The following CENPQ variants were observed in gnomAD, a reference collection of about 807,000 sequenced individuals.
The protein encoded by CENPQ is centromere protein Q, also known as chromosome 6 open reading frame 139.
CENPQ carries 27 observed loss-of-function variants against 36.6 expected under a neutral mutation model. The observed-to-expected ratio is 0.74, with a 90% confidence interval of 0.54 to 1.02. CENPQ has a LOEUF of 1.02. CENPQ is among the 50% of genes least tolerant of loss of function. The pLI is 0.00. For synonymous variants in CENPQ, 101 were observed against 101.7 expected, an observed-to-expected ratio of 0.99 and a Z score of 0.04; for missense variants, 306 against 301.8, an observed-to-expected ratio of 1.01 and a Z score of -0.10.
chr6:49,473,290 T>C (rs1768189675), intron 5 of CENPQ, among the ~76,000 whole-genome samples: 1 of 152,228 alleles, frequency 6.6e-6, no homozygotes, highest in Non-Finnish European at 1.5e-5. Context: ...ATATTATTGC[T>C]CTTCATCTTA....
At position 49,477,147 on chromosome 6, in the gene CENPQ, A is replaced by G. The variant is rs185201291; in HGVS notation, c.348-3804A>G. On this transcript the variant is annotated intron_variant, in intron 5 of 8. Transcript: ENST00000335783. ...TGTGTTTACTGCGGCACTATTCACA[A>G]TAGCAAAGACTTGGAACCAACCCAA... 1.6e-3 allele frequency among the ~76,000 whole-genome samples: 250 copies of G among 152,278 alleles called. 4 individuals carry two copies. Among genetic ancestry groups the G allele is most frequent in the African/African-American group, 5.6e-3 (234 of 41,552 alleles).
intron 1 of CENPQ, among the ~76,000 whole-genome samples, chr6:49,468,868 G>T (rs1410120889): frequency 6.6e-6 from 1 of 151,254 alleles, no homozygotes; most frequent in African/African-American, 2.4e-5. Flanking sequence ...TATTGTACAT[G>T]TCAGCCCTTC....
chr6:49,482,081 T>C (rs1768446643), intron 6 of CENPQ, among the ~76,000 whole-genome samples: 1 of 152,130 alleles, frequency 6.6e-6, no homozygotes, highest in African/African-American at 2.4e-5. Context: ...AAGCCCTTCA[T>C]TGCCTGGGGC....
At chr6:49,467,298 G>A (rs141222230) in intron 1 of CENPQ, among the ~76,000 whole-genome samples, 40 of 152,246 alleles carry the variant, frequency 2.6e-4, no homozygotes, top group African/African-American at 8.9e-4. Context: ...CTCCCTTGTG[G>A]TATAATACCA....
At chr6:49,480,319 A>G (rs1325022307) in intron 5 of CENPQ, among the ~76,000 whole-genome samples, 1 of 152,218 alleles carries the variant, frequency 6.6e-6, no homozygotes, top group Non-Finnish European at 1.5e-5. Flanking sequence ...GATGATAGAA[A>G]TAGATGTTTC....
Position 49,481,224 on chromosome 6 carries a change from T to C in CENPQ, c.477+144T>C. ...TTTTCATTAAATTGTTTTTTTGTTG[T>C]TGTTTTCATTAAAGCAAAAATTTGT... is the stretch of plus-strand genomic sequence containing the variant. On this transcript the variant is annotated intron_variant, in intron 6 of 8. Coordinates refer to ENST00000335783, the MANE Select transcript of CENPQ (RefSeq NM_018132.4). 6.9e-6 allele frequency: 5 copies of C among 723,534 alleles called. 1 individual carries two copies. In the South Asian group the frequency reaches 1.3e-4, roughly 19 times the overall value. 44.8% of individuals were successfully genotyped at this position (723,534 alleles called of 1,614,324 possible). A position where few individuals can be genotyped will look rare whatever the true frequency, so the allele number is the denominator to read the frequency against.
chr6:49,484,138 AT>A (rs1245888112), intron 6 of CENPQ, among the ~76,000 whole-genome samples: 14 of 152,344 alleles, frequency 9.2e-5, no homozygotes, highest in African/African-American at 2.6e-4. Context: ...ATTAGAGTTA[AT>A]ATATACTGGG....
In CENPQ at chr6:49,488,441, G is replaced by C. The variant is rs770383992; in HGVS notation, c.567G>C (p.Glu189Asp). 6.2e-7 allele frequency: 1 copy of C among 1,612,886 alleles called. No individual in the cohort carries two copies. The highest frequency in any genetic ancestry group is 8.5e-7 in the Non-Finnish European group (1 of 1,179,288). Reference protein sequence around the residue: ...LKNKIQILASEVEEEEERVKQ... With the variant: ...LKNKIQILASDVEEEEERVKQ... ...ACAAAATTCAGATTCTGGCAAGTGAGGTGGAAGAAGAAGAGGAGAGAGTAA... is the reference window on the plus strand; with the variant it reads ...ACAAAATTCAGATTCTGGCAAGTGACGTGGAAGAAGAAGAGGAGAGAGTAA... The change falls in exon 7 of 9, where the codon GAG becomes GAC. Residue 189 changes from glutamate (E) to aspartate (D), a missense_variant. By Grantham distance (45) the Glu-to-Asp change is conservative. Coordinates refer to ENST00000335783, the MANE Select transcript of CENPQ (RefSeq NM_018132.4).
chr6:49,473,588 G>T (rs556048405), intron 5 of CENPQ, among the ~76,000 whole-genome samples: 3 of 152,096 alleles, frequency 2.0e-5, no homozygotes, highest in Non-Finnish European at 4.4e-5. Flanking sequence ...AAAGACCATC[G>T]ATGCTAGGAA....
chr6:49,472,602 AATAT>A (rs1156961434), intron 4 of CENPQ, among the ~76,000 whole-genome samples, 184 bp from the exon 5 acceptor site: 3 of 151,998 alleles, frequency 2.0e-5, no homozygotes, highest in Admixed American at 6.6e-5. Context: ...AGTGTGGCAA[AATAT>A]ATATATAAGA....
At chr6:49,464,770 T>C (rs557666964) in intron 1 of CENPQ, among the ~76,000 whole-genome samples, 1 of 152,328 alleles carries the variant, frequency 6.6e-6, no homozygotes, top group East Asian at 1.9e-4. Flanking sequence ...ATCTTCAGGC[T>C]CCACTATTTC....
intron 5 of CENPQ, among the ~76,000 whole-genome samples, chr6:49,475,624 A>T (rs1561966516): frequency 6.6e-6 from 1 of 152,212 alleles, no homozygotes. Context: ...GGAAAAGAGG[A>T]AGTCAAATTG....
chr6:49,466,257 A>G (rs1767998319), intron 1 of CENPQ, among the ~76,000 whole-genome samples: 1 of 152,194 alleles, frequency 6.6e-6, no homozygotes, highest in Non-Finnish European at 1.5e-5. Context: ...ATCAATCACC[A>G]TAACAGATAT....
At chr6:49,487,165 A>T (rs1768604161) in intron 6 of CENPQ, among the ~76,000 whole-genome samples, 1 of 147,578 alleles carries the variant, frequency 6.8e-6, no homozygotes, top group African/African-American at 2.5e-5. Flanking sequence ...AAAAAAAAAA[A>T]AAAATAAAAA....
At chr6:49,469,098 A>T (rs1308887170) in intron 1 of CENPQ, among the ~76,000 whole-genome samples, 1 of 152,180 alleles carries the variant, frequency 6.6e-6, no homozygotes, top group African/African-American at 2.4e-5. Flanking sequence ...TGGTTGCTAA[A>T]TGTAGTTTGT....
chr6:49,472,275 A>C, intron 4 of CENPQ, 92 bp downstream of exon 4: 1 of 1,002,680 alleles, frequency 1.0e-6, no homozygotes, highest in Non-Finnish European at 1.4e-6. Flanking sequence ...ATCTATTTTA[A>C]GGTAATAGAG....
At chr6:49,483,653 G>A (rs1412836406) in intron 6 of CENPQ, among the ~76,000 whole-genome samples, 1 of 152,252 alleles carries the variant, frequency 6.6e-6, no homozygotes, top group African/African-American at 2.4e-5. Flanking sequence ...ACAGCCGCTG[G>A]CTTGGGTGCT....
chr6:49,488,455 A>T lies in CENPQ; in HGVS notation c.581A>T (p.Glu194Val). 1 of 1,612,932 alleles carries T rather than the reference A, an allele frequency of 6.2e-7. No homozygotes were observed. Among genetic ancestry groups the T allele is most frequent in the Non-Finnish European group, 8.5e-7 (1 of 1,179,240 alleles). The change falls in exon 7 of 9, where the codon GAG becomes GTG. Residue 194 changes from glutamate to valine, a missense_variant. Coordinates refer to ENST00000335783, the MANE Select transcript of CENPQ (RefSeq NM_018132.4). ...CTGGCAAGTGAGGTGGAAGAAGAAG[A>T]GGAGAGAGTAAAACAGGTAATTATT... ...QILASEVEEE[E>V]ERVKQMHQIN... is the part of the protein sequence containing the mutation.
rs1195192101 is a variant in CENPQ at position 49,470,236 on chromosome 6, G to A, written c.60G>A (p.Lys20=). The change falls in exon 2 of 9, where the codon AAG becomes AAA. Residue 20 remains lysine, a synonymous_variant. Coordinates refer to ENST00000335783, the MANE Select transcript of CENPQ (RefSeq NM_018132.4). The part of the protein sequence containing the change: ...KNAQQLKRNP[K]RKKDNEEVVL... ...CTCAACAGTTAAAAAGAAATCCAAA[G>A]AGAAAAAAGGATAATGAGGAAGTTG... The A allele has an allele frequency of 1.2e-6, 2 of 1,606,394 alleles. No individual in the cohort carries two copies. Among genetic ancestry groups the A allele is most frequent in the Non-Finnish European group, 1.7e-6 (2 of 1,175,820 alleles).
Sources: allele counts gnomAD v4.1 joint callset (sites outside exome capture counted in the v4.1 genomes callset), GRCh38; gene constraint gnomAD v4.1.1; transcripts MANE v1.5; gene names NCBI Gene and HGNC (gene_info 2026-07-23, HGNC 2026-07-21).